Variants in RPS24 observed in about 807,000 individuals in gnomAD.
RPS24 encodes the protein small ribosomal subunit protein eS24.
For synonymous variants in RPS24, 72 were observed against 55.6 expected (o/e 1.30, Z -1.31); for missense variants, 100 against 162.5 (o/e 0.62, Z 2.09).
rs553970578 is a variant in RPS24, at chr10:78,038,000, A to T, written c.390+696A>T. 32 of 1,282,978 alleles carry T rather than the reference A, an allele frequency of 2.5e-5. 1 individual carries two copies. In the South Asian group the frequency reaches 3.6e-4, roughly 14 times the overall value. 79.5% of individuals were successfully genotyped at this position (1,282,978 alleles called of 1,614,324 possible). A position where few individuals can be genotyped will look rare whatever the true frequency, so the allele number is the denominator to read the frequency against. ...TCTAGCAGGTACTGAGATTGTAAGCACGGTGTGGGGATGCATCACCTTCAC... is the reference window on the plus strand; with the variant it reads ...TCTAGCAGGTACTGAGATTGTAAGCTCGGTGTGGGGATGCATCACCTTCAC... On this transcript the variant is annotated intron_variant, in intron 4 of 5. Transcript: ENST00000372360.
At chr10:78,047,361 G>A (rs192058894) in intron 4 of RPS24, among the ~76,000 whole-genome samples, 1 of 152,248 alleles carries the variant, frequency 6.6e-6, no homozygotes, top group East Asian at 1.9e-4. Context: ...TTCCAGAGGG[G>A]GACAGCTGTG....
intron 4 of RPS24, 151 bp from the exon 5 acceptor site, chr10:78,040,053 T>C (rs1298892478): frequency 1.4e-6 from 1 of 739,310 alleles, no homozygotes; most frequent in East Asian, 2.7e-5. Flanking sequence ...AGGAGTGCTC[T>C]GTATACAATT....
At chr10:78,036,149 A>AG (rs1459446748) in intron 3 of RPS24, 1 of 227,724 alleles carries the variant, frequency 4.4e-6, no homozygotes, top group Non-Finnish European at 8.8e-6. Context: ...GATCTGGGCA[A>AG]GCTCCCCAGC....
chr10:78,040,534 A>G, intron 5 of RPS24, 81 bp from the exon 6 acceptor site: 2 of 970,698 alleles, frequency 2.1e-6, no homozygotes, highest in South Asian at 2.6e-5. Flanking sequence ...GTTGTGCATG[A>G]GTGTTACTAC....
intron 4 of RPS24, among the ~76,000 whole-genome samples, chr10:78,046,177 G>A (rs908935286): frequency 1.1e-4 from 17 of 152,144 alleles, no homozygotes; most frequent in African/African-American, 3.1e-4. Context: ...TCTAAGATCC[G>A]TTCTGCCTCT....
rs1255666111 is a variant in RPS24, at chr10:78,037,884, A to T, written c.390+580A>T. 3 of 992,860 alleles carry T rather than the reference A, an allele frequency of 3.0e-6. No individual in the cohort carries two copies. The Admixed American group carries it at 9.0e-5, about 30-fold the overall frequency. 61.5% of individuals were successfully genotyped at this position (992,860 alleles called of 1,614,324 possible). A position where few individuals can be genotyped will look rare whatever the true frequency, so the allele number is the denominator to read the frequency against. ...GTGTTGGGTTGTTAAATTAACAAATAATCAAGTGTTCTGTGAACTTTTTTT... is the reference window on the plus strand; with the variant it reads ...GTGTTGGGTTGTTAAATTAACAAATTATCAAGTGTTCTGTGAACTTTTTTT... On this transcript the variant is annotated intron_variant, in intron 4 of 5. Transcript: ENST00000372360.
chr10:78,051,253 T>A (rs1445713966), intron 4 of RPS24, among the ~76,000 whole-genome samples: 4 of 152,206 alleles, frequency 2.6e-5, no homozygotes, highest in Non-Finnish European at 5.9e-5. Context: ...TCCCTCAACC[T>A]CTGCCCCAGC....
At chr10:78,041,706 C>T (rs1342644921), downstream of RPS24, among the ~76,000 whole-genome samples, 1 of 152,036 alleles carries the variant, frequency 6.6e-6, no homozygotes, top group African/African-American at 2.4e-5. Flanking sequence ...TGGTGAGGAT[C>T]CTGACAGTGC....
intron 4 of RPS24, chr10:78,037,902 CTTTTTTTTTTTT>C: frequency 5.3e-6 from 2 of 378,792 alleles, no homozygotes; most frequent in Admixed American, 7.0e-5. Flanking sequence ...GTTCTGTGAA[CTTTTTTTTTTTT>C]TTTTTTTTTT....
At chr10:78,056,329 G>A (rs1848149198) in exon 5 of RPS24, 1 of 152,154 alleles carries the variant, frequency 6.6e-6, no homozygotes, top group African/African-American at 2.4e-5. Flanking sequence ...AGACCTTGGA[G>A]GATCTTCTGG....
downstream of RPS24, among the ~76,000 whole-genome samples, chr10:78,041,720 A>AGGGATGGGAT (rs143873511): frequency 2.0e-5 from 3 of 152,054 alleles, no homozygotes; most frequent in South Asian, 2.1e-4. Flanking sequence ...ACAGTGCTGC[A>AGGGATGGGAT]GGGATGGGAT....
At chr10:78,055,063 C>T (rs1848137570) in exon 5 of RPS24, 1 of 1,454,248 alleles carries the variant, frequency 6.9e-7, no homozygotes, top group Non-Finnish European at 9.1e-7. Context: ...CATCTCTCCA[C>T]CTTCTTCTCC....
chr10:78,047,535 GA>G (rs1273006873), intron 4 of RPS24, among the ~76,000 whole-genome samples: 1 of 152,170 alleles, frequency 6.6e-6, no homozygotes, highest in Non-Finnish European at 1.5e-5. Flanking sequence ...GTGGAAGCAT[GA>G]AAAAAGCTTG....
Position 78,033,907 on chromosome 10 carries a change from G to C in RPS24, c.3+3G>C. 1 of 1,614,074 alleles carries C rather than the reference G, an allele frequency of 6.2e-7. No individual in the cohort carries two copies. Among genetic ancestry groups the C allele is most frequent in the Non-Finnish European group, 8.5e-7 (1 of 1,179,966 alleles). Reference sequence around the variant, plus strand: ...TCTGAAGATAGATCGCCATCATGGTGAGTCTCCCTGGGCCCGTGCAGTCAT... The same window carrying C: ...TCTGAAGATAGATCGCCATCATGGTCAGTCTCCCTGGGCCCGTGCAGTCAT... On this transcript the variant is annotated splice_donor_region_variant and intron_variant, in intron 1 of 5. Coordinates refer to ENST00000372360, the MANE Select transcript of RPS24 (RefSeq NM_033022.4).
At chr10:78,041,349 A>G (rs1847983501), downstream of RPS24, among the ~76,000 whole-genome samples, 1 of 152,216 alleles carries the variant, frequency 6.6e-6, no homozygotes, top group South Asian at 2.1e-4. Context: ...CAGGGCTGAG[A>G]AGAGTTAAGT....
chr10:78,048,064 G>A (rs1405670288), intron 4 of RPS24, among the ~76,000 whole-genome samples: 2 of 152,178 alleles, frequency 1.3e-5, no homozygotes, highest in African/African-American at 4.8e-5. Context: ...TTCTGCCCTG[G>A]GAGTTGAGGA....
intron 4 of RPS24, among the ~76,000 whole-genome samples, chr10:78,048,405 A>G (rs914597633): frequency 6.6e-6 from 1 of 151,684 alleles, no homozygotes; most frequent in Non-Finnish European, 1.5e-5. Context: ...TTGGCATCCT[A>G]TACTCTCGGT....
At chr10:78,036,874 G>C (rs1029763704) in intron 3 of RPS24, among the ~76,000 whole-genome samples, 1 of 152,122 alleles carries the variant, frequency 6.6e-6, no homozygotes, top group African/African-American at 2.4e-5. Flanking sequence ...AGCCACTTCG[G>C]AGGTGCCTTG....
chr10:78,044,586 C>G (rs73300622), downstream of RPS24, among the ~76,000 whole-genome samples: 1 of 151,860 alleles, frequency 6.6e-6, no homozygotes, highest in African/African-American at 2.4e-5. Flanking sequence ...TGTGAACACA[C>G]CTCCATACAT....
Sources: gnomAD v4.1 joint callset for allele counts (sites outside exome capture counted in the v4.1 genomes callset) on GRCh38, gnomAD v4.1.1 for gene constraint, MANE v1.5 for transcripts, NCBI Gene and HGNC (gene_info 2026-07-23, HGNC 2026-07-21) for gene names.